ABCC1: variants seen among roughly 807,000 people sequenced by gnomAD.
ABCC1 encodes ATP binding cassette subfamily C member 1 (ABCC1 blood group).
In ABCC1, 83 loss-of-function variants were observed where a neutral mutation model predicts 172.9. The ratio of observed to expected loss-of-function variants is 0.48; its 90% CI spans 0.40 to 0.58. The LOEUF is 0.58. ABCC1 is among the 20% of genes least tolerant of loss of function. The pLI, the probability that ABCC1 is intolerant of heterozygous loss-of-function variation, is 0.00. For missense variants in ABCC1, 1,817 were observed against 2,002.7 expected (o/e 0.91, Z 1.77); for synonymous variants, 937 against 825.2 (o/e 1.14, Z -2.32).
At chr16:15,981,593 C>G (rs536158869) in intron 1 of ABCC1, among the ~76,000 whole-genome samples, 8 of 152,166 alleles carry the variant, frequency 5.3e-5, no homozygotes, top group Non-Finnish European at 1.2e-4. Context: ...TGTACCAACT[C>G]CCTAGGCAGC....
At chr16:16,090,350 C>G in intron 18 of ABCC1, 55 bp from the exon 19 acceptor site, 2 of 1,487,918 alleles carry the variant, frequency 1.3e-6, no homozygotes, top group Middle Eastern at 1.9e-4. Context: ...CTCTGCCAAG[C>G]TAGGCAGTCT....
chr16:15,986,950 A>T (rs1027616790), intron 1 of ABCC1, among the ~76,000 whole-genome samples: 2 of 152,140 alleles, frequency 1.3e-5, no homozygotes, highest in African/African-American at 4.8e-5. Context: ...GGATCACTTG[A>T]GCTCAGGAGT....
chr16:16,124,712 CT>C (rs1382504731), intron 24 of ABCC1, 76 bp from the exon 25 acceptor site: 2 of 1,595,032 alleles, frequency 1.3e-6, no homozygotes, highest in African/African-American at 1.3e-5. Flanking sequence ...AATCCCCTTC[CT>C]CCCCCAAGAG....
intron 29 of ABCC1, among the ~76,000 whole-genome samples, chr16:16,137,789 G>A (rs904798645): frequency 7.2e-5 from 11 of 151,984 alleles, no homozygotes; most frequent in Non-Finnish European, 1.3e-4. Flanking sequence ...CTGGCCTCAA[G>A]CGATCCACCC....
At chr16:16,034,935 G>A (rs1317299541) in intron 6 of ABCC1, among the ~76,000 whole-genome samples, 1 of 152,106 alleles carries the variant, frequency 6.6e-6, no homozygotes, top group Non-Finnish European at 1.5e-5. Context: ...TTGCATGTGT[G>A]TGTGTGTTTG....
chr16:15,989,721 C>T (rs1163545102), intron 1 of ABCC1, among the ~76,000 whole-genome samples: 1 of 152,098 alleles, frequency 6.6e-6, no homozygotes, highest in East Asian at 1.9e-4. Flanking sequence ...GGGCCATCTT[C>T]TCACCTGTTT....
chr16:16,101,213 G>A (rs2051729844), intron 19 of ABCC1, among the ~76,000 whole-genome samples: 1 of 151,874 alleles, frequency 6.6e-6, no homozygotes, highest in African/African-American at 2.4e-5. Flanking sequence ...TGTATTTTTA[G>A]AATAGAGTTG....
chr16:15,950,086 G>C (rs979535221), intron 1 of ABCC1, among the ~76,000 whole-genome samples: 23 of 152,180 alleles, frequency 1.5e-4, no homozygotes, highest in African/African-American at 5.1e-4. Flanking sequence ...AGGCCTTCCT[G>C]TTTTGGGGTT....
intron 1 of ABCC1, among the ~76,000 whole-genome samples, chr16:15,992,572 T>C: frequency 6.6e-6 from 1 of 152,188 alleles, no homozygotes; most frequent in South Asian, 2.1e-4. Flanking sequence ...GGCTAATTTT[T>C]GTATTTTTAG....
intron 1 of ABCC1, among the ~76,000 whole-genome samples, chr16:15,985,685 T>C (rs1337560757): frequency 6.6e-6 from 1 of 152,026 alleles, no homozygotes; most frequent in East Asian, 1.9e-4. Context: ...CCTCAGGTGA[T>C]CCTCCTGCTT....
rs1567314343 is a variant in ABCC1 at position 16,014,482 on chromosome 16, T to G, written c.352-9T>G. 6.2e-7 allele frequency: 1 copy of G among 1,612,986 alleles called. No individual in the cohort carries two copies. The highest frequency in any genetic ancestry group is 8.5e-7 in the Non-Finnish European group (1 of 1,179,592). On this transcript the variant is annotated splice_polypyrimidine_tract_variant and intron_variant, in intron 3 of 30. Coordinates refer to ENST00000399410, the MANE Select transcript of ABCC1 (RefSeq NM_004996.4). ...CCCAACAACTCCTGTCTTGTGCTTC[T>G]CTCCTCAGCTGCTTGCTACCTTTTT...
chr16:16,139,096 C>G (rs1020850398), intron 30 of ABCC1, among the ~76,000 whole-genome samples: 7 of 152,220 alleles, frequency 4.6e-5, no homozygotes, highest in African/African-American at 1.4e-4. Flanking sequence ...CTGTAGGCTG[C>G]TGTCAGACAA....
intron 19 of ABCC1, among the ~76,000 whole-genome samples, chr16:16,097,409 G>A (rs549390030): frequency 2.6e-5 from 4 of 152,288 alleles, no homozygotes; most frequent in Non-Finnish European, 5.9e-5. Context: ...CATCGTGCCC[G>A]GCTGCTCTGA....
At chr16:16,120,487 C>T (rs949804604) in intron 23 of ABCC1, among the ~76,000 whole-genome samples, 5 of 152,124 alleles carry the variant, frequency 3.3e-5, no homozygotes, top group African/African-American at 1.2e-4. Context: ...TGGCTGAATG[C>T]CCAGGTTGGG....
chr16:16,075,069 C>T (rs894342340), intron 14 of ABCC1, among the ~76,000 whole-genome samples: 6 of 151,568 alleles, frequency 4.0e-5, no homozygotes, highest in East Asian at 2.0e-4. Context: ...CTCAGACTCC[C>T]GAGTAGCTGG....
intron 9 of ABCC1, among the ~76,000 whole-genome samples, chr16:16,047,631 A>G (rs544973235): frequency 6.6e-6 from 1 of 152,198 alleles, no homozygotes; most frequent in East Asian, 1.9e-4. Context: ...TAAAACTCCT[A>G]CAGTGCGCAG....
chr16:15,971,972 G>A (rs1234859720), intron 1 of ABCC1, among the ~76,000 whole-genome samples: 1 of 152,138 alleles, frequency 6.6e-6, no homozygotes, highest in Non-Finnish European at 1.5e-5. Context: ...AAAGCTGAGA[G>A]ACGGAACCTC....
chr16:15,996,835 G>A (rs1451203642), intron 1 of ABCC1, among the ~76,000 whole-genome samples: 2 of 152,184 alleles, frequency 1.3e-5, no homozygotes, highest in Non-Finnish European at 2.9e-5. Context: ...GTCAGCACCA[G>A]GATCTTGTAT....
chr16:16,069,751 T>C (rs1301673188), intron 13 of ABCC1, among the ~76,000 whole-genome samples: 1 of 151,558 alleles, frequency 6.6e-6, no homozygotes, highest in Non-Finnish European at 1.5e-5. Context: ...AAGCCAAGCA[T>C]GATGGCTCAC....
Sources: allele counts gnomAD v4.1 joint callset (sites outside exome capture counted in the v4.1 genomes callset), GRCh38; gene constraint gnomAD v4.1.1; transcripts MANE v1.5; gene names NCBI Gene and HGNC (gene_info 2026-07-23, HGNC 2026-07-21).